Variants in ROBO1 observed in about 807,000 individuals in gnomAD.
ROBO1 encodes the protein roundabout homolog 1.
A neutral mutation model predicts 195.9 loss-of-function variants in ROBO1; 149 were observed. The ratio of observed to expected loss-of-function variants is 0.76; its 90% CI spans 0.67 to 0.87. The LOEUF (loss-of-function observed/expected upper bound fraction) is 0.87, where lower values mean the gene tolerates loss of function less well. ROBO1 is among the 40% of genes least tolerant of loss of function. ROBO1 has a pLI of 0.00. For synonymous variants in ROBO1, 816 were observed against 733.2 expected, an observed-to-expected ratio of 1.11 and a Z score of -1.82; for missense variants, 1,933 against 2,068.3, an observed-to-expected ratio of 0.93 and a Z score of 1.27.
At chr3:79,235,037 T>C (rs1315046254) in intron 2 of ROBO1, among the ~76,000 whole-genome samples, 2 of 152,102 alleles carry the variant, frequency 1.3e-5, no homozygotes, top group Non-Finnish European at 2.9e-5. Context: ...TTGAACTAAG[T>C]TCAAACCTTC....
chr3:79,402,388 T>C (rs968747875), intron 2 of ROBO1, among the ~76,000 whole-genome samples: 4 of 152,016 alleles, frequency 2.6e-5, no homozygotes, highest in African/African-American at 7.2e-5. Context: ...AGGTGGATTC[T>C]GTACCAACAA....
chr3:78,748,364 G>T (rs1333143165), intron 4 of ROBO1, among the ~76,000 whole-genome samples: 2 of 152,146 alleles, frequency 1.3e-5, no homozygotes, highest in Non-Finnish European at 2.9e-5. Flanking sequence ...AGAATTGCTA[G>T]AACCCAGGAG....
intron 10 of ROBO1, among the ~76,000 whole-genome samples, chr3:78,681,485 G>T (rs144091822): frequency 6.6e-6 from 1 of 152,146 alleles, no homozygotes; most frequent in East Asian, 1.9e-4. Context: ...ACACAAAAAC[G>T]TATAGGATGC....
At chr3:79,660,332 G>A (rs1216416017) in intron 1 of ROBO1, among the ~76,000 whole-genome samples, 1 of 151,936 alleles carries the variant, frequency 6.6e-6, no homozygotes, top group Non-Finnish European at 1.5e-5. Flanking sequence ...CATATTCTCA[G>A]AAGTAGTGTA....
intron 2 of ROBO1, among the ~76,000 whole-genome samples, chr3:79,506,509 A>G (rs1156277367): frequency 3.3e-5 from 5 of 151,878 alleles, no homozygotes; most frequent in African/African-American, 1.2e-4. Context: ...GGCTGGAAGG[A>G]TCTCGGCTCT....
intron 2 of ROBO1, among the ~76,000 whole-genome samples, chr3:79,553,368 C>A (rs1942589717): frequency 6.6e-6 from 1 of 151,994 alleles, no homozygotes; most frequent in Non-Finnish European, 1.5e-5. Context: ...GATGCAGATA[C>A]TGAATGTATA....
At chr3:78,696,870 G>A (rs1445573503) in intron 8 of ROBO1, among the ~76,000 whole-genome samples, 1 of 151,562 alleles carries the variant, frequency 6.6e-6, no homozygotes, top group Non-Finnish European at 1.5e-5. Flanking sequence ...CTTAATGCTG[G>A]TTGAAAAATT....
chr3:78,854,391 G>T (rs1158414553), intron 4 of ROBO1, among the ~76,000 whole-genome samples: 1 of 149,300 alleles, frequency 6.7e-6, no homozygotes, highest in Non-Finnish European at 1.5e-5. Flanking sequence ...TAATATATAT[G>T]TGTGTGTGGG....
intron 2 of ROBO1, among the ~76,000 whole-genome samples, chr3:79,162,900 G>C (rs2080997718): frequency 6.6e-6 from 1 of 152,046 alleles, no homozygotes; most frequent in Non-Finnish European, 1.5e-5. Context: ...TCAGTTCCTG[G>C]AATGAACTAA....
At chr3:79,103,057 C>T (rs977511293) in intron 3 of ROBO1, among the ~76,000 whole-genome samples, 1 of 151,680 alleles carries the variant, frequency 6.6e-6, no homozygotes, top group Non-Finnish European at 1.5e-5. Context: ...GTAAAAGATT[C>T]AATCACATTA....
At chr3:79,388,526 A>T (rs1575760440) in intron 2 of ROBO1, among the ~76,000 whole-genome samples, 1 of 152,230 alleles carries the variant, frequency 6.6e-6, no homozygotes, top group East Asian at 1.9e-4. Flanking sequence ...AAAAACAATA[A>T]AATTTAAAAA....
intron 16 of ROBO1, 74 bp from the exon 17 acceptor site, chr3:78,659,881 C>A (rs1010671120): frequency 1.7e-6 from 2 of 1,210,360 alleles, no homozygotes; most frequent in Non-Finnish European, 2.3e-6. Flanking sequence ...TAATATCAAA[C>A]CCAATAATAG....
intron 2 of ROBO1, among the ~76,000 whole-genome samples, chr3:79,180,792 G>A (rs2081327656): frequency 6.6e-6 from 1 of 152,104 alleles, no homozygotes. Flanking sequence ...GGTCTGAGGA[G>A]TCAACAACAG....
intron 4 of ROBO1, among the ~76,000 whole-genome samples, chr3:78,760,774 T>G (rs906592363): frequency 3.9e-5 from 6 of 152,074 alleles, no homozygotes; most frequent in Non-Finnish European, 7.4e-5. Flanking sequence ...CCCAAGTAGC[T>G]GGGACTGGAG....
chr3:78,926,887 T>G (rs1475979423), intron 4 of ROBO1, among the ~76,000 whole-genome samples: 2 of 152,186 alleles, frequency 1.3e-5, no homozygotes, highest in African/African-American at 2.4e-5. Context: ...GGCATTAAAT[T>G]TAAACCAATC....
At chr3:78,894,270 G>T (rs922316510) in intron 4 of ROBO1, among the ~76,000 whole-genome samples, 1 of 151,964 alleles carries the variant, frequency 6.6e-6, no homozygotes, top group Non-Finnish European at 1.5e-5. Context: ...AGCAATTAAT[G>T]TGTCATATTT....
chr3:78,756,478 A>T (rs2082935138), intron 4 of ROBO1, among the ~76,000 whole-genome samples: 1 of 152,188 alleles, frequency 6.6e-6, no homozygotes, highest in Admixed American at 6.5e-5. Context: ...AATTCCCTGC[A>T]ATTACACTGA....
At chr3:79,528,486 T>C (rs1186338752) in intron 2 of ROBO1, among the ~76,000 whole-genome samples, 2 of 152,222 alleles carry the variant, frequency 1.3e-5, no homozygotes, top group Non-Finnish European at 2.9e-5. Flanking sequence ...AAAATAAATA[T>C]GCATACACAA....
intron 2 of ROBO1, among the ~76,000 whole-genome samples, chr3:79,516,033 G>C (rs1199763248): frequency 6.6e-6 from 1 of 152,006 alleles, no homozygotes; most frequent in African/African-American, 2.4e-5. Context: ...TTGACTTTCA[G>C]TCTCCAAGTT....
Sources: allele counts gnomAD v4.1 joint callset (sites outside exome capture counted in the v4.1 genomes callset), GRCh38; gene constraint gnomAD v4.1.1; transcripts MANE v1.5; gene names NCBI Gene and HGNC (gene_info 2026-07-23, HGNC 2026-07-21).